DPP10: variants seen among roughly 807,000 people sequenced by gnomAD.
The protein encoded by DPP10 is dipeptidyl peptidase like 10.
DPP10 carries 33 observed loss-of-function variants against 120.9 expected under a neutral mutation model. The observed-to-expected ratio is 0.27, with a 90% CI of 0.21 to 0.37. DPP10 has a LOEUF of 0.37. Ranked by LOEUF, DPP10 falls within the 10% of genes least tolerant of loss-of-function variation. The pLI is 1.00. For missense variants in DPP10, 816 were observed against 942.8 expected, an observed-to-expected ratio of 0.87 and a Z score of 1.76; for synonymous variants, 337 against 326.1, an observed-to-expected ratio of 1.03 and a Z score of -0.36.
At chr2:115,541,653 C>T (rs1558822750) in intron 5 of DPP10, among the ~76,000 whole-genome samples, 1 of 151,754 alleles carries the variant, frequency 6.6e-6, no homozygotes, top group Non-Finnish European at 1.5e-5. Flanking sequence ...TTAGCCATAA[C>T]GTTAACATGA....
intron 4 of DPP10, among the ~76,000 whole-genome samples, chr2:115,512,566 A>G (rs1375150): frequency 0.21 from 32,206 of 151,604 alleles, 3,927 homozygotes; most frequent in East Asian, 0.39. Context: ...TTTACTATAT[A>G]TCATAAATTT....
chr2:115,115,146 T>C (rs934701828), intron 1 of DPP10, among the ~76,000 whole-genome samples: 2 of 151,794 alleles, frequency 1.3e-5, no homozygotes, highest in Non-Finnish European at 2.9e-5. Context: ...TTGCAGGAGG[T>C]GTTATAGAAA....
At chr2:115,339,098 T>C (rs567821649) in intron 2 of DPP10, among the ~76,000 whole-genome samples, 2 of 152,166 alleles carry the variant, frequency 1.3e-5, no homozygotes, top group African/African-American at 4.8e-5. Context: ...ACTCATCAAA[T>C]GCAGCATTAA....
chr2:115,442,970 A>G (rs564210137), intron 3 of DPP10, among the ~76,000 whole-genome samples: 2 of 152,190 alleles, frequency 1.3e-5, no homozygotes, highest in Non-Finnish European at 2.9e-5. Flanking sequence ...GAAGGTCTGT[A>G]ACAATGATTG....
intron 3 of DPP10, among the ~76,000 whole-genome samples, chr2:115,428,450 G>A (rs843397): frequency 0.93 from 141,338 of 152,246 alleles, 65,763 homozygotes; most frequent in African/African-American, 0.97. Flanking sequence ...TAGTGCTTGC[G>A]TTTGCTTGGC....
chr2:115,262,202 A>T (rs995295468), intron 1 of DPP10, among the ~76,000 whole-genome samples: 1 of 152,132 alleles, frequency 6.6e-6, no homozygotes, highest in South Asian at 2.1e-4. Flanking sequence ...TTGCAAGAAC[A>T]CAAAATCCTG....
intron 5 of DPP10, among the ~76,000 whole-genome samples, chr2:115,652,590 C>A (rs2087897407): frequency 6.6e-6 from 1 of 151,738 alleles, no homozygotes; most frequent in Non-Finnish European, 1.5e-5. Context: ...GCCGATGGTA[C>A]AGTTCTAGTG....
chr2:115,493,157 T>C (rs1182807455), intron 3 of DPP10, among the ~76,000 whole-genome samples: 2 of 151,986 alleles, frequency 1.3e-5, no homozygotes, highest in East Asian at 1.9e-4. Context: ...ATGGTAAGTA[T>C]TGTGTTGAAT....
rs2062103187 is a variant in DPP10 at position 115,322,372 on chromosome 2, T to G, written c.175+13019T>G. ...TTTCCTTAATATTTTGGTTTAGAAATGTTTTCTTGAATATTAGGAGGCAAA... is the reference window on the plus strand; with the variant it reads ...TTTCCTTAATATTTTGGTTTAGAAAGGTTTTCTTGAATATTAGGAGGCAAA... On this transcript the variant is annotated intron_variant, in intron 2 of 25. Coordinates refer to ENST00000410059, the MANE Select transcript of DPP10 (RefSeq NM_020868.6). Among the ~76,000 whole-genome samples the G allele has an allele frequency of 3.9e-5, 6 of 152,298 alleles. No individual in the cohort carries two copies. In the South Asian group the frequency reaches 1.2e-3, roughly 32 times the overall value.
At chr2:114,524,953 A>G (rs1485576793) in intron 1 of DPP10, among the ~76,000 whole-genome samples, 4 of 152,164 alleles carry the variant, frequency 2.6e-5, no homozygotes, top group Non-Finnish European at 4.4e-5. Context: ...GTAGGCTTCC[A>G]ATCATTGGTC....
chr2:114,645,065 C>T (rs1696014763), intron 1 of DPP10, among the ~76,000 whole-genome samples: 1 of 150,544 alleles, frequency 6.6e-6, no homozygotes, highest in Non-Finnish European at 1.5e-5. Context: ...CAAATTAAGA[C>T]ATTTAGCAAG....
At chr2:114,468,916 A>C (rs992328081) in intron 1 of DPP10, among the ~76,000 whole-genome samples, 3 of 152,146 alleles carry the variant, frequency 2.0e-5, no homozygotes, top group Admixed American at 6.6e-5. Context: ...TGCTATTTCT[A>C]GTGTTCTCTT....
At chr2:114,605,564 T>C (rs899778516) in intron 1 of DPP10, among the ~76,000 whole-genome samples, 2 of 152,280 alleles carry the variant, frequency 1.3e-5, no homozygotes, top group South Asian at 4.1e-4. Context: ...ATGTTATTGA[T>C]AAGCTTTCCA....
chr2:115,703,396 C>T (rs2091969916), intron 7 of DPP10, among the ~76,000 whole-genome samples: 1 of 151,726 alleles, frequency 6.6e-6, no homozygotes, highest in South Asian at 2.1e-4. Flanking sequence ...TATATATCTC[C>T]ATATATATAG....
intron 5 of DPP10, among the ~76,000 whole-genome samples, chr2:115,678,290 A>T (rs1041683235): frequency 1.3e-5 from 2 of 152,188 alleles, no homozygotes; most frequent in African/African-American, 4.8e-5. Context: ...GGAGGAAAAA[A>T]TGGTTTCATG....
intron 1 of DPP10, among the ~76,000 whole-genome samples, chr2:115,083,070 ATGACAC>A (rs1273186199): frequency 3.9e-5 from 6 of 152,302 alleles, no homozygotes; most frequent in African/African-American, 1.4e-4. Flanking sequence ...TTTAGTGTCT[ATGACAC>A]TGGATCTTTG....
At chr2:114,950,717 A>G (rs979605088) in intron 1 of DPP10, among the ~76,000 whole-genome samples, 14 of 152,144 alleles carry the variant, frequency 9.2e-5, no homozygotes, top group African/African-American at 3.1e-4. Context: ...CAGAAGAAAG[A>G]TATGTGTCTC....
chr2:115,525,734 C>T (rs142745708), intron 4 of DPP10, among the ~76,000 whole-genome samples, 164 bp from the exon 5 acceptor site: 56 of 151,826 alleles, frequency 3.7e-4, no homozygotes, highest in Non-Finnish European at 7.7e-4. Context: ...TTTTTATATT[C>T]ATCTGAATAA....
At chr2:115,515,943 G>A (rs1221797045) in intron 4 of DPP10, among the ~76,000 whole-genome samples, 1 of 152,002 alleles carries the variant, frequency 6.6e-6, no homozygotes, top group Admixed American at 6.6e-5. Context: ...GATTAATTCA[G>A]CCTCTATTTG....
Sources: gnomAD v4.1 joint callset for allele counts (sites outside exome capture counted in the v4.1 genomes callset) on GRCh38, gnomAD v4.1.1 for gene constraint, MANE v1.5 for transcripts, NCBI Gene and HGNC (gene_info 2026-07-23, HGNC 2026-07-21) for gene names.